ZNF81: variants seen among roughly 807,000 people sequenced by gnomAD.
ZNF81 encodes zinc finger protein 81.
A neutral mutation model predicts 32.3 loss-of-function variants in ZNF81; 5 were observed. The ratio of observed to expected loss-of-function variants is 0.15; its 90% CI spans 0.08 to 0.33. The LOEUF (loss-of-function observed/expected upper bound fraction) is 0.33. ZNF81 is among the 10% of genes least tolerant of loss of function. ZNF81 has a pLI of 1.00. For missense variants in ZNF81, 379 were observed against 479.8 expected (o/e 0.79, Z 1.96); for synonymous variants, 163 against 166.8 (o/e 0.98, Z 0.17).
intron 4 of ZNF81, among the ~76,000 whole-genome samples, chrX:47,898,193 T>G (rs1556887473): frequency 9.0e-6 from 1 of 111,500 alleles, no homozygotes. Context: ...AGTTGCTTGG[T>G]ACCTGGCCCT....
intron 2 of ZNF81, among the ~76,000 whole-genome samples, chrX:47,863,284 T>C (rs1198080016): frequency 8.9e-6 from 1 of 111,809 alleles, no homozygotes; most frequent in Non-Finnish European, 1.9e-5. Context: ...CTACTGGGGA[T>C]ACCAGGTCTA....
chrX:47,878,505 G>A (rs1158119841), intron 2 of ZNF81, among the ~76,000 whole-genome samples: 1 of 112,483 alleles, frequency 8.9e-6, no homozygotes, highest in Admixed American at 9.3e-5. Flanking sequence ...GACATCCCCC[G>A]ATTGGGGGGA....
chrX:47,890,297 G>C (rs782146568), intron 3 of ZNF81, among the ~76,000 whole-genome samples: 3 of 111,400 alleles, frequency 2.7e-5, no homozygotes, highest in Non-Finnish European at 5.6e-5. Flanking sequence ...CACCCCCACT[G>C]TGGGGCAGAG....
chrX:47,854,355 C>T (rs2058507432), intron 2 of ZNF81, among the ~76,000 whole-genome samples: 1 of 112,488 alleles, frequency 8.9e-6, no homozygotes, highest in Admixed American at 9.4e-5. Flanking sequence ...AGCAATAAAC[C>T]TGTTTCACTT....
chrX:47,886,486 T>G (rs1419104147), intron 2 of ZNF81, among the ~76,000 whole-genome samples: 1 of 111,626 alleles, frequency 9.0e-6, no homozygotes, highest in African/African-American at 3.3e-5. Flanking sequence ...CTTCTCTCTT[T>G]CAATGCCTTT....
Position 47,916,721 on chromosome X carries a change from T to A in ZNF81, c.*89T>A, listed in dbSNP as rs2058758491. The A allele has an allele frequency of 3.1e-6, 3 of 961,349 alleles. No homozygotes were observed. Among genetic ancestry groups the A allele is most frequent in the Non-Finnish European group, 4.2e-6 (3 of 718,712 alleles). The allele number at this position is 961,349 out of a possible 1,213,427, so 79.2% of individuals were successfully genotyped here. The stretch of plus-strand genomic sequence containing the variant: ...TATTATAAAATTCATCCAAGACAGA[T>A]CCTATATGAATACATTGTATAAGGA... On this transcript the variant is annotated 3_prime_UTR_variant, in exon 5 of 5. Transcript: ENST00000338637.
chrX:47,859,327 C>T (rs62592178), intron 2 of ZNF81, among the ~76,000 whole-genome samples: 3,946 of 110,550 alleles, frequency 0.036, 81 homozygotes, highest in Middle Eastern at 0.076. Context: ...TTCAACTTGC[C>T]TGGGTCAATT....
intron 4 of ZNF81, among the ~76,000 whole-genome samples, chrX:47,909,537 A>T (rs1556889591): frequency 3.7e-5 from 4 of 109,372 alleles, no homozygotes; most frequent in Non-Finnish European, 7.6e-5. Flanking sequence ...TTAGGTTGTC[A>T]TACATGGCTT....
At chrX:47,873,579 G>A (rs1291715999) in intron 2 of ZNF81, among the ~76,000 whole-genome samples, 1 of 111,705 alleles carries the variant, frequency 9.0e-6, no homozygotes, top group African/African-American at 3.3e-5. Context: ...TTTGTCCTTG[G>A]CTCCCTTTGT....
intron 4 of ZNF81, among the ~76,000 whole-genome samples, chrX:47,904,055 T>G (rs1556888553): frequency 9.0e-6 from 1 of 111,271 alleles, no homozygotes; most frequent in African/African-American, 3.3e-5. Context: ...TATACAAAAA[T>G]TAATTCAAGA....
intron 2 of ZNF81, among the ~76,000 whole-genome samples, chrX:47,859,301 T>C (rs2058530662): frequency 9.0e-6 from 1 of 111,478 alleles, no homozygotes; most frequent in Non-Finnish European, 1.9e-5. Context: ...CAGCCTTGTA[T>C]TTGAAGGCTT....
At position 47,918,537 on chromosome X, in the gene ZNF81, G is replaced by C. The variant is rs1358758991; in HGVS notation, c.*1905G>C. ...ACCAGATTCATAGGAAACTCACAAA[G>C]TTTTTAATAGAGTTTTACTAGTAAA... On this transcript the variant is annotated 3_prime_UTR_variant, in exon 5 of 5. Transcript: ENST00000338637. 1.8e-5 allele frequency: 2 copies of C among 111,499 alleles called. No individual in the cohort carries two copies. The highest frequency in any genetic ancestry group is 3.8e-5 in the Non-Finnish European group (2 of 53,081). The allele number at this position is 111,499 out of a possible 1,213,427, so 9.2% of individuals were successfully genotyped here.
chrX:47,836,920 C>T lies in ZNF81; in HGVS notation c.-231C>T. On this transcript the variant is annotated 5_prime_UTR_variant, in exon 1 of 5. Coordinates refer to ENST00000338637, the MANE Select transcript of ZNF81 (RefSeq NM_007137.5). Reference sequence around the variant, plus strand: ...AGTGACCGGAAGCGGCTGCGGTTCTCGCCGGTTCTCAGCCGGGGTTTGATA... The same window carrying T: ...AGTGACCGGAAGCGGCTGCGGTTCTTGCCGGTTCTCAGCCGGGGTTTGATA... The T allele has an allele frequency of 4.3e-6, 1 of 232,620 alleles. No homozygotes were observed. The highest frequency in any genetic ancestry group is 1.1e-4 in the East Asian group (1 of 9,360). The allele number at this position is 232,620 out of a possible 1,213,427, so 19.2% of individuals were successfully genotyped here.
intron 4 of ZNF81, among the ~76,000 whole-genome samples, chrX:47,914,311 G>A (rs1396705332): frequency 9.0e-6 from 1 of 111,101 alleles, no homozygotes; most frequent in Non-Finnish European, 1.9e-5. Flanking sequence ...TACCTCATAG[G>A]ACCTCTGAAA....
chrX:47,860,494 C>T (rs1266670621), intron 2 of ZNF81, among the ~76,000 whole-genome samples: 4 of 110,130 alleles, frequency 3.6e-5, no homozygotes, highest in Non-Finnish European at 7.6e-5. Flanking sequence ...TGATTAGAAG[C>T]TTGGAACTTT....
chrX:47,841,850 A>C, intron 1 of ZNF81: 1 of 346,849 alleles, frequency 2.9e-6, no homozygotes, highest in Non-Finnish European at 4.9e-6. Context: ...TCTTGTATTT[A>C]TTACTTCCTT....
chrX:47,914,855 T>G (rs367749802), intron 4 of ZNF81, 69 bp from the exon 5 acceptor site: 15 of 1,029,636 alleles, frequency 1.5e-5, no homozygotes, highest in African/African-American at 1.3e-4. Flanking sequence ...TTGTATTAGC[T>G]TATGTGTACC....
intron 2 of ZNF81, among the ~76,000 whole-genome samples, chrX:47,883,363 C>T (rs181484838): frequency 3.6e-5 from 4 of 112,179 alleles, no homozygotes; most frequent in African/African-American, 1.3e-4. Flanking sequence ...TTTTCATTTT[C>T]TCAATAGCGT....
rs781835335 is a variant in ZNF81 at position 47,915,741 on chromosome X, A to G, written c.1095A>G (p.Lys365=). ...CCTATAAATGCAATGAATGTGGGAA[A>G]TCATTTTTCCAGGTGTCATCTCTAC... ...EKPYKCNECG[K]SFFQVSSLLR... The change falls in exon 5 of 5, where the codon AAA becomes AAG. Residue 365 remains lysine, a synonymous_variant. Transcript: ENST00000338637. 12 of 1,209,240 alleles carry G rather than the reference A, an allele frequency of 9.9e-6. No individual in the cohort carries two copies. The highest frequency in any genetic ancestry group is 4.6e-4 in the Middle Eastern group (2 of 4,367).
Sources: allele counts gnomAD v4.1 joint callset (sites outside exome capture counted in the v4.1 genomes callset), GRCh38; gene constraint gnomAD v4.1.1; transcripts MANE v1.5; gene names NCBI Gene and HGNC (gene_info 2026-07-23, HGNC 2026-07-21).